Variants in CNTNAP4 observed in about 807,000 individuals in gnomAD.
The protein encoded by CNTNAP4 is contactin-associated protein-like 4.
Under a neutral mutation model 148.4 loss-of-function variants are expected in CNTNAP4, and 98 were observed. The ratio of observed to expected loss-of-function variants is 0.66; its 90% CI spans 0.56 to 0.78. CNTNAP4 has a LOEUF of 0.78. CNTNAP4 is among the 30% of genes least tolerant of loss of function. The probability of loss-of-function intolerance (pLI) is 0.00; values close to 1 mark genes in which losing one functional copy is unlikely to be tolerated. For synonymous variants in CNTNAP4, 730 were observed against 565.1 expected, an observed-to-expected ratio of 1.29 and a Z score of -4.14; for missense variants, 1,935 against 1,565.6, an observed-to-expected ratio of 1.24 and a Z score of -3.98.
intron 4 of CNTNAP4, among the ~76,000 whole-genome samples, chr16:76,428,125 A>T (rs2079476889): frequency 6.6e-6 from 1 of 152,210 alleles, no homozygotes; most frequent in African/African-American, 2.4e-5. Context: ...ACATGTGTTT[A>T]AAATACTTTC....
intron 21 of CNTNAP4, among the ~76,000 whole-genome samples, chr16:76,551,639 T>C (rs2084956751): frequency 6.6e-6 from 1 of 152,090 alleles, no homozygotes; most frequent in Non-Finnish European, 1.5e-5. Context: ...AGGTGAATAG[T>C]TAAAATTCTG....
chr16:76,443,753 G>C (rs147307954), intron 4 of CNTNAP4, among the ~76,000 whole-genome samples: 1,846 of 152,112 alleles, frequency 0.012, 39 homozygotes, highest in African/African-American at 0.043. Flanking sequence ...ATCTTTCATA[G>C]ATTAGTACAA....
intron 10 of CNTNAP4, among the ~76,000 whole-genome samples, chr16:76,470,342 A>T (rs1335750001): frequency 1.3e-5 from 2 of 151,542 alleles, no homozygotes; most frequent in African/African-American, 4.9e-5. Context: ...TATAATTAAA[A>T]ACAAGCATTA....
chr16:76,287,334 T>C (rs1209449688), intron 1 of CNTNAP4, among the ~76,000 whole-genome samples: 2 of 152,148 alleles, frequency 1.3e-5, no homozygotes, highest in African/African-American at 4.8e-5. Context: ...AAAAATAAAA[T>C]TGTGATCACC....
intron 2 of CNTNAP4, among the ~76,000 whole-genome samples, chr16:76,334,992 T>A (rs780241892): frequency 2.6e-5 from 4 of 151,998 alleles, no homozygotes; most frequent in Non-Finnish European, 4.4e-5. Flanking sequence ...GTGTTGTAGA[T>A]TGGAAAATGC....
At chr16:76,340,828 A>G (rs970635281) in intron 2 of CNTNAP4, among the ~76,000 whole-genome samples, 4 of 152,180 alleles carry the variant, frequency 2.6e-5, no homozygotes, top group African/African-American at 9.7e-5. Flanking sequence ...CTCTGCTAAA[A>G]TTTGATCAAG....
Position 76,553,312 on chromosome 16 carries a change from C to A in CNTNAP4, c.3472C>A (p.Leu1158Met), listed in dbSNP as rs368462428. ...CAGTGATGTGGACCAGGATACTGCA[C>A]TGGCAGGTGCGCAGGGCTTCACAGG... ...EHSDVDQDTA[L>M]AGAQGFTGCL... The change falls in exon 22 of 24, where the codon CTG becomes ATG. Residue 1158 changes from leucine to methionine, a missense_variant. Coordinates refer to ENST00000611870, the MANE Select transcript of CNTNAP4 (RefSeq NM_033401.5). The A allele has an allele frequency of 3.7e-6, 6 of 1,611,756 alleles. No homozygotes were observed. Among genetic ancestry groups the A allele is most frequent in the Non-Finnish European group, 5.1e-6 (6 of 1,178,346 alleles).
At chr16:76,481,969 C>G (rs1352086396) in intron 12 of CNTNAP4, among the ~76,000 whole-genome samples, 1 of 151,150 alleles carries the variant, frequency 6.6e-6, no homozygotes, top group East Asian at 1.9e-4. Flanking sequence ...GTTTTTTACT[C>G]TGAAATGAGA....
At chr16:76,476,799 A>G (rs2081601456) in intron 11 of CNTNAP4, among the ~76,000 whole-genome samples, 1 of 152,034 alleles carries the variant, frequency 6.6e-6, no homozygotes, top group African/African-American at 2.4e-5. Context: ...TCCCAATACC[A>G]CCATATTGGG....
At chr16:76,403,185 C>T (rs886676678) in intron 3 of CNTNAP4, among the ~76,000 whole-genome samples, 3 of 151,906 alleles carry the variant, frequency 2.0e-5, no homozygotes, top group African/African-American at 7.3e-5. Flanking sequence ...CTCCACCTTC[C>T]AGGTTCACAC....
intron 1 of CNTNAP4, among the ~76,000 whole-genome samples, chr16:76,279,428 C>T (rs1958603240): frequency 6.6e-6 from 1 of 152,170 alleles, no homozygotes; most frequent in South Asian, 2.1e-4. Flanking sequence ...CATTAAATAG[C>T]TTTCTTTTGC....
rs2085380368 is a variant in CNTNAP4 at position 76,560,677 on chromosome 16, A to C, written c.*1994A>C. Among the ~76,000 whole-genome samples the C allele has an allele frequency of 1.3e-5, 2 of 152,190 alleles. No homozygotes were observed. The highest frequency in any genetic ancestry group is 2.9e-5 in the Non-Finnish European group (2 of 68,032). ...AACATTATGGCATGGAAATGCATTG[A>C]CACATCCTATGCCATGACTTTAATT... is the stretch of plus-strand genomic sequence containing the variant. On this transcript the variant is annotated 3_prime_UTR_variant, in exon 24 of 24. Coordinates refer to ENST00000611870, the MANE Select transcript of CNTNAP4 (RefSeq NM_033401.5).
At chr16:76,380,297 G>C (rs548609789) in intron 3 of CNTNAP4, among the ~76,000 whole-genome samples, 12 of 152,234 alleles carry the variant, frequency 7.9e-5, no homozygotes, top group Admixed American at 5.9e-4. Context: ...GAAGTATACT[G>C]TTTCTGGTAT....
intron 13 of CNTNAP4, among the ~76,000 whole-genome samples, chr16:76,494,494 A>T (rs1052875227): frequency 1.3e-5 from 2 of 152,148 alleles, no homozygotes; most frequent in African/African-American, 4.8e-5. Context: ...ACATTCCATA[A>T]TGCTTTAATG....
At chr16:76,300,595 G>C (rs1333445244) in intron 1 of CNTNAP4, among the ~76,000 whole-genome samples, 1 of 152,070 alleles carries the variant, frequency 6.6e-6, no homozygotes, top group Non-Finnish European at 1.5e-5. Context: ...AAATAAATGA[G>C]ACCAATGTCA....
chr16:76,495,117 T>C, intron 14 of CNTNAP4, 51 bp downstream of exon 14: 2 of 1,591,180 alleles, frequency 1.3e-6, no homozygotes, highest in Non-Finnish European at 1.7e-6. Context: ...TTAAAAAAAT[T>C]AATCACTCAA....
rs149017792 is a variant in CNTNAP4, at chr16:76,331,813, G to A, written c.196+15290G>A. Among the ~76,000 whole-genome samples, 33 of 152,280 alleles carry A rather than the reference G, an allele frequency of 2.2e-4. 1 individual carries two copies. The East Asian group carries it at 5.4e-3, about 25-fold the overall frequency. Reference sequence around the variant, plus strand: ...TTTGTGTTTATGTAGTTTCCATACAGTGTTCTTTACGTGGCTTTGCATACT... The same window carrying A: ...TTTGTGTTTATGTAGTTTCCATACAATGTTCTTTACGTGGCTTTGCATACT... On this transcript the variant is annotated intron_variant, in intron 2 of 23. Transcript: ENST00000611870.
chr16:76,280,357 CA>C (rs1245866521), intron 1 of CNTNAP4, among the ~76,000 whole-genome samples: 1 of 152,094 alleles, frequency 6.6e-6, no homozygotes, highest in Non-Finnish European at 1.5e-5. Context: ...TGTTCAAAGA[CA>C]AACATATATG....
At chr16:76,298,212 G>T (rs541659911) in intron 1 of CNTNAP4, among the ~76,000 whole-genome samples, 2 of 152,260 alleles carry the variant, frequency 1.3e-5, no homozygotes, top group East Asian at 3.9e-4. Flanking sequence ...GTCCAAGGAG[G>T]TTAGCCGGTA....
Sources: allele counts gnomAD v4.1 joint callset (sites outside exome capture counted in the v4.1 genomes callset), GRCh38; gene constraint gnomAD v4.1.1; transcripts MANE v1.5; gene names NCBI Gene and HGNC (gene_info 2026-07-23, HGNC 2026-07-21).